Variants in SPAST observed in about 807,000 individuals in gnomAD.
The protein encoded by SPAST is spastic paraplegia 4 (autosomal dominant; spastin).
Under a neutral mutation model 76.6 loss-of-function variants are expected in SPAST, and 30 were observed. That is an observed-to-expected ratio of 0.39 (90% confidence interval 0.29 to 0.53). SPAST has a LOEUF of 0.53. Ranked by LOEUF, SPAST falls within the 20% of genes least tolerant of loss-of-function variation. The pLI is 0.68. For missense variants in SPAST, 717 were observed against 770.5 expected (o/e 0.93, Z 0.82); for synonymous variants, 305 against 281.0 (o/e 1.09, Z -0.86).
chr2:32,115,359 A>G (rs181046857), intron 5 of SPAST, among the ~76,000 whole-genome samples: 105 of 152,230 alleles, frequency 6.9e-4, no homozygotes, highest in East Asian at 3.9e-4. Flanking sequence ...AATGCTGTAT[A>G]TTTCATTTTA....
rs552558544 is a variant in SPAST, at chr2:32,156,940, C to G, written c.*2444C>G. 1.3e-5 allele frequency: 2 copies of G among 152,284 alleles called. No individual in the cohort carries two copies. Among genetic ancestry groups the G allele is most frequent in the African/African-American group, 2.4e-5 (1 of 41,568 alleles). 9.4% of individuals were successfully genotyped at this position (152,284 alleles called of 1,614,324 possible). The stretch of plus-strand genomic sequence containing the variant: ...GAGAACTATTTTCTATGACTTAACT[C>G]TAACCAAGTTTTATTTTAAGCTGTT... On this transcript the variant is annotated 3_prime_UTR_variant, in exon 17 of 17. Coordinates refer to ENST00000315285, the MANE Select transcript of SPAST (RefSeq NM_014946.4).
At chr2:32,112,379 A>G (rs1573113645) in intron 4 of SPAST, among the ~76,000 whole-genome samples, 1 of 129,912 alleles carries the variant, frequency 7.7e-6, no homozygotes, top group South Asian at 2.4e-4. Context: ...ACGGAGTCTC[A>G]CTCTGTTGCC....
chr2:32,147,152 TG>T, intron 15 of SPAST, 65 bp from the exon 16 acceptor site: 1 of 1,037,488 alleles, frequency 9.6e-7, no homozygotes, highest in Non-Finnish European at 1.5e-6. Flanking sequence ...TACTTGGTTT[TG>T]CCCTTCAACA....
intron 1 of SPAST, among the ~76,000 whole-genome samples, chr2:32,079,463 A>T (rs1463882155): frequency 6.6e-6 from 1 of 151,666 alleles, no homozygotes; most frequent in East Asian, 2.0e-4. Context: ...GTGAGATCAT[A>T]CCACTGCTCT....
chr2:32,102,131 T>C lies in SPAST; in HGVS notation c.682+3240T>C, dbSNP rs185645079. Among the ~76,000 whole-genome samples the C allele has an allele frequency of 1.6e-3, 241 of 152,382 alleles. 1 individual carries two copies. Among genetic ancestry groups the C allele is most frequent in the African/African-American group, 5.4e-3 (224 of 41,596 alleles). On this transcript the variant is annotated intron_variant, in intron 4 of 16. Coordinates refer to ENST00000315285, the MANE Select transcript of SPAST (RefSeq NM_014946.4). ...AGCATGGAATGTTCTTCCATTTGTC[T>C]GTGTCCTCTTTTATTTCATTGAGCA... is the stretch of plus-strand genomic sequence containing the variant.
intron 9 of SPAST, among the ~76,000 whole-genome samples, chr2:32,133,911 A>T (rs1326512644): frequency 1.3e-5 from 2 of 152,240 alleles, no homozygotes; most frequent in African/African-American, 4.8e-5. Flanking sequence ...AAATATTTTA[A>T]TAAATCATAG....
intron 3 of SPAST, among the ~76,000 whole-genome samples, chr2:32,098,580 C>T (rs1359040328): frequency 6.6e-6 from 1 of 152,174 alleles, no homozygotes; most frequent in South Asian, 2.1e-4. Flanking sequence ...CTATTTTTAA[C>T]ATAGCCATTC....
intron 4 of SPAST, among the ~76,000 whole-genome samples, chr2:32,110,511 A>C (rs966121630): frequency 2.3e-4 from 12 of 52,982 alleles, no homozygotes; most frequent in Non-Finnish European, 4.2e-4. Context: ...TATATATAGT[A>C]TATATATACT....
intron 4 of SPAST, among the ~76,000 whole-genome samples, chr2:32,113,009 T>C (rs1483917938): frequency 6.6e-6 from 1 of 152,196 alleles, no homozygotes; most frequent in Non-Finnish European, 1.5e-5. Flanking sequence ...ACTGGACAAA[T>C]AACCTTTTCA....
At chr2:32,112,763 A>G (rs1311872604) in intron 4 of SPAST, among the ~76,000 whole-genome samples, 2 of 152,076 alleles carry the variant, frequency 1.3e-5, no homozygotes, top group Non-Finnish European at 2.9e-5. Flanking sequence ...GATTTCCTAT[A>G]CTAGTTTAGA....
rs57308975 is a variant in SPAST, at chr2:32,135,118, TTGTG to T, written c.1246-1418_1246-1415del. On this transcript the variant is annotated intron_variant, in intron 9 of 16. Transcript: ENST00000315285. ...GAGATTTCTTTCAGCTCTGATAATT[TTGTG>T]TGTGTGTGTGTGTGTGTGTGTGTGT... Among the ~76,000 whole-genome samples the T allele has an allele frequency of 6.1e-5, 9 of 147,384 alleles. 1 individual carries two copies. The highest frequency in any genetic ancestry group is 9.0e-5 in the Non-Finnish European group (6 of 66,692).
At position 32,085,707 on chromosome 2, in the gene SPAST, C is replaced by T. The variant is rs548259500; in HGVS notation, c.416-1785C>T. 5.1e-4 allele frequency among the ~76,000 whole-genome samples: 78 copies of T among 152,098 alleles called. No homozygotes were observed. In the South Asian group the frequency reaches 0.015, roughly 30 times the overall value. On this transcript the variant is annotated intron_variant, in intron 1 of 16. Transcript: ENST00000315285. The stretch of plus-strand genomic sequence containing the variant: ...GAGGTAGTACATAGTCATAAGGAGA[C>T]GGCATTTCTTAGTCACTTTGTGTGG...
At chr2:32,083,776 A>ATTTTTTTTTTTTTTTTTT (rs1178658126) in intron 1 of SPAST, among the ~76,000 whole-genome samples, 5 of 46,072 alleles carry the variant, frequency 1.1e-4, no homozygotes, top group Non-Finnish European at 1.5e-4. Flanking sequence ...ATATATATAT[A>ATTTTTTTTTTTTTTTTTT]TTTTTTTTTT....
In SPAST at chr2:32,155,347, T is replaced by A. The variant is rs1044917419; in HGVS notation, c.*851T>A. 2.0e-5 allele frequency: 3 copies of A among 152,570 alleles called. No homozygotes were observed. The highest frequency in any genetic ancestry group is 7.2e-5 in the African/African-American group (3 of 41,420). The allele number at this position is 152,570 out of a possible 1,614,324, so 9.5% of individuals were successfully genotyped here. The stretch of plus-strand genomic sequence containing the variant: ...AATTTATTTTCTGCAAGAATTATTC[T>A]GATATTTAAGAGAGCCAATTTTAAC... On this transcript the variant is annotated 3_prime_UTR_variant, in exon 17 of 17. Transcript: ENST00000315285.
chr2:32,064,397 G>A (rs1386040519), intron 1 of SPAST, 151 bp downstream of exon 1: 4 of 719,218 alleles, frequency 5.6e-6, no homozygotes, highest in Non-Finnish European at 2.3e-6. Context: ...CCCGTAGGTC[G>A]GAGCCTCATC....
At chr2:32,091,245 C>CTCT (rs1677701777) in intron 3 of SPAST, among the ~76,000 whole-genome samples, 1 of 126,910 alleles carries the variant, frequency 7.9e-6, no homozygotes. Context: ...TAATATGAAG[C>CTCT]TATTATTATT....
chr2:32,065,419 T>A (rs908856972), intron 1 of SPAST, among the ~76,000 whole-genome samples: 41 of 152,264 alleles, frequency 2.7e-4, no homozygotes, highest in African/African-American at 9.4e-4. Context: ...TCCCAGACCA[T>A]GAAAAGTGTT....
chr2:32,151,658 C>G (rs1396923844), intron 16 of SPAST, among the ~76,000 whole-genome samples: 1 of 152,122 alleles, frequency 6.6e-6, no homozygotes, highest in Non-Finnish European at 1.5e-5. Flanking sequence ...GCCTGTAATC[C>G]TACCACTTTG....
chr2:32,067,216 C>A (rs1192135638), intron 1 of SPAST, among the ~76,000 whole-genome samples: 5 of 152,066 alleles, frequency 3.3e-5, no homozygotes, highest in African/African-American at 1.2e-4. Flanking sequence ...TGTATGCCAC[C>A]ACGCCCAGCT....
Sources: allele counts gnomAD v4.1 joint callset (sites outside exome capture counted in the v4.1 genomes callset), GRCh38; gene constraint gnomAD v4.1.1; transcripts MANE v1.5; gene names NCBI Gene and HGNC (gene_info 2026-07-23, HGNC 2026-07-21).